The following SHTN1 variants were observed in gnomAD, a reference collection of about 807,000 sequenced individuals.
SHTN1 encodes shootin-1.
A neutral mutation model predicts 83.1 loss-of-function variants in SHTN1; 42 were observed. The observed-to-expected ratio is 0.51, with a 90% CI of 0.39 to 0.65. SHTN1 has a LOEUF of 0.65. Ranked by LOEUF, SHTN1 falls within the 30% of genes least tolerant of loss-of-function variation. The pLI, the probability that SHTN1 is intolerant of heterozygous loss-of-function variation, is 0.00. For synonymous variants in SHTN1, 224 were observed against 247.7 expected (o/e 0.90, Z 0.90); for missense variants, 622 against 737.8 (o/e 0.84, Z 1.82).
chr10:117,004,138 C>T (rs575239383), intron 1 of SHTN1, among the ~76,000 whole-genome samples: 2 of 152,098 alleles, frequency 1.3e-5, no homozygotes, highest in Non-Finnish European at 2.9e-5. Context: ...CCACCTGCCT[C>T]GGCCTCCCAA....
At chr10:116,933,284 C>T (rs1281233635) in intron 9 of SHTN1, among the ~76,000 whole-genome samples, 2 of 152,116 alleles carry the variant, frequency 1.3e-5, no homozygotes, top group Admixed American at 1.3e-4. Flanking sequence ...CTGTCATCTA[C>T]ATTAGGTGTT....
At chr10:117,022,779 G>A (rs1005592870) in intron 2 of SHTN1, among the ~76,000 whole-genome samples, 5 of 152,122 alleles carry the variant, frequency 3.3e-5, no homozygotes, top group African/African-American at 1.2e-4. Flanking sequence ...AAATTAGCCA[G>A]ACATGGTGGC....
chr10:116,956,975 G>A (rs1410680275), intron 4 of SHTN1, among the ~76,000 whole-genome samples: 1 of 152,012 alleles, frequency 6.6e-6, no homozygotes, highest in Non-Finnish European at 1.5e-5. Flanking sequence ...GAGTGCAGTG[G>A]TATGATCATA....
At chr10:117,065,242 G>A (rs1406815398) in intron 1 of SHTN1, among the ~76,000 whole-genome samples, 1 of 152,106 alleles carries the variant, frequency 6.6e-6, no homozygotes, top group Non-Finnish European at 1.5e-5. Flanking sequence ...GTTGATAAGT[G>A]TAGAAAACCA....
chr10:116,953,638 T>C (rs1320367426), intron 5 of SHTN1, among the ~76,000 whole-genome samples: 1 of 144,094 alleles, frequency 6.9e-6, no homozygotes, highest in African/African-American at 2.5e-5. Flanking sequence ...TTTTTTTTTT[T>C]TTTTTTTGAG....
intron 1 of SHTN1, among the ~76,000 whole-genome samples, chr10:117,086,306 CT>C (rs2133616620): frequency 6.6e-6 from 1 of 152,322 alleles, no homozygotes; most frequent in South Asian, 2.1e-4. Flanking sequence ...TTCTCCATCA[CT>C]TTACTTTTAG....
intron 4 of SHTN1, among the ~76,000 whole-genome samples, chr10:116,956,052 G>T (rs868671123): frequency 6.6e-6 from 1 of 152,178 alleles, no homozygotes; most frequent in South Asian, 2.1e-4. Flanking sequence ...CATCTTTTAG[G>T]AATGTCAGAA....
chr10:116,975,431 A>G (rs1190300634), intron 2 of SHTN1, among the ~76,000 whole-genome samples: 3 of 150,752 alleles, frequency 2.0e-5, no homozygotes, highest in African/African-American at 7.5e-5. Context: ...TCCATTGCCC[A>G]GCCATGCTCT....
chr10:116,999,147 T>C (rs982965568), intron 1 of SHTN1, among the ~76,000 whole-genome samples: 2 of 152,044 alleles, frequency 1.3e-5, no homozygotes, highest in African/African-American at 4.8e-5. Context: ...TTATTTGTAA[T>C]AGCAAAAACA....
intron 1 of SHTN1, among the ~76,000 whole-genome samples, chr10:117,120,836 G>A (rs1275252549): frequency 6.8e-6 from 1 of 147,244 alleles, no homozygotes; most frequent in Non-Finnish European, 1.5e-5. Flanking sequence ...TTGAGACAGA[G>A]TCTTGCTCTG....
At chr10:117,031,956 G>A (rs1453880137) in intron 2 of SHTN1, among the ~76,000 whole-genome samples, 2 of 151,958 alleles carry the variant, frequency 1.3e-5, no homozygotes, top group African/African-American at 4.8e-5. Context: ...AAGACATAGA[G>A]TGGCTAAATG....
At chr10:116,896,632 T>C (rs1936130249) in intron 16 of SHTN1, among the ~76,000 whole-genome samples, 1 of 152,178 alleles carries the variant, frequency 6.6e-6, no homozygotes, top group Non-Finnish European at 1.5e-5. Flanking sequence ...ATAGTGGTGA[T>C]TAAAATGGGT....
chr10:116,939,432 C>A (rs1423331063), intron 9 of SHTN1, among the ~76,000 whole-genome samples: 1 of 152,190 alleles, frequency 6.6e-6, no homozygotes, highest in Non-Finnish European at 1.5e-5. Context: ...GTTCTCCAAT[C>A]CCCTGCACTT....
chr10:117,115,548 C>G (rs541833956), intron 1 of SHTN1, among the ~76,000 whole-genome samples: 2 of 152,272 alleles, frequency 1.3e-5, no homozygotes, highest in South Asian at 4.2e-4. Flanking sequence ...TGAGGCTGCT[C>G]TAGTGATGGA....
chr10:116,936,973 T>G (rs1016750790), intron 9 of SHTN1, among the ~76,000 whole-genome samples: 1 of 152,156 alleles, frequency 6.6e-6, no homozygotes, highest in African/African-American at 2.4e-5. Flanking sequence ...TATCAGAGAG[T>G]AGGATTGCAA....
At chr10:116,906,548 T>C (rs1384401490) in intron 15 of SHTN1, 79 bp downstream of exon 15, 1 of 1,375,410 alleles carries the variant, frequency 7.3e-7, no homozygotes, top group African/African-American at 1.5e-5. Flanking sequence ...TTTAAAAGAT[T>C]GTTTCATGTA....
intron 9 of SHTN1, among the ~76,000 whole-genome samples, chr10:116,935,150 CTTTA>C (rs1404969676): frequency 6.6e-6 from 1 of 152,140 alleles, no homozygotes; most frequent in Non-Finnish European, 1.5e-5. Context: ...TGTGAATACC[CTTTA>C]TTTCTTTCCC....
At chr10:117,122,152 ATTT>A (rs567071394) in intron 1 of SHTN1, among the ~76,000 whole-genome samples, 1 of 152,262 alleles carries the variant, frequency 6.6e-6, no homozygotes, top group South Asian at 2.1e-4. Flanking sequence ...TATTTACTTT[ATTT>A]TTTATTTTCA....
intron 1 of SHTN1, among the ~76,000 whole-genome samples, chr10:117,102,411 A>G (rs1222731047): frequency 6.6e-6 from 1 of 152,098 alleles, no homozygotes; most frequent in East Asian, 1.9e-4. Context: ...ATTCATCCAA[A>G]TGTTCGGGGA....
Sources: allele counts gnomAD v4.1 joint callset (sites outside exome capture counted in the v4.1 genomes callset), GRCh38; gene constraint gnomAD v4.1.1; transcripts MANE v1.5; gene names NCBI Gene and HGNC (gene_info 2026-07-23, HGNC 2026-07-21).